TMCC1: variants seen among roughly 807,000 people sequenced by gnomAD.
TMCC1 encodes the protein transmembrane and coiled-coil domains protein 1.
TMCC1 carries 15 observed loss-of-function variants against 52.4 expected under a neutral mutation model. That is an observed-to-expected ratio of 0.29 (90% CI 0.19 to 0.44). TMCC1 has a LOEUF of 0.44. TMCC1 is among the 20% of genes least tolerant of loss of function. The pLI is 1.00. For missense variants in TMCC1, 503 were observed against 806.0 expected (o/e 0.62, Z 4.55); for synonymous variants, 279 against 301.9 (o/e 0.92, Z 0.79).
intron 4 of TMCC1, among the ~76,000 whole-genome samples, chr3:129,792,512 G>T (rs975925482): frequency 6.6e-6 from 1 of 151,848 alleles, no homozygotes; most frequent in East Asian, 1.9e-4. Context: ...CACCATGCCC[G>T]GTTTATTTTT....
intron 4 of TMCC1, among the ~76,000 whole-genome samples, chr3:129,721,377 T>C (rs1229670325): frequency 2.0e-5 from 3 of 152,142 alleles, no homozygotes; most frequent in African/African-American, 7.2e-5. Context: ...GATCTTGCTC[T>C]GTCACCCAGG....
intron 2 of TMCC1, among the ~76,000 whole-genome samples, chr3:129,837,990 A>C (rs2059241729): frequency 6.6e-6 from 1 of 152,228 alleles, no homozygotes; most frequent in African/African-American, 2.4e-5. Context: ...AGATTTTCCC[A>C]CCTGGAGAAC....
chr3:129,750,865 G>A (rs1419206332), intron 4 of TMCC1, among the ~76,000 whole-genome samples: 1 of 150,652 alleles, frequency 6.6e-6, no homozygotes, highest in Admixed American at 6.6e-5. Flanking sequence ...GTGAGCCACT[G>A]CGCCCAGCCA....
intron 4 of TMCC1, among the ~76,000 whole-genome samples, chr3:129,727,485 T>C (rs2107607826): frequency 1.3e-5 from 2 of 152,340 alleles, no homozygotes; most frequent in Middle Eastern, 3.4e-3. Context: ...TTTATAAAGA[T>C]GTAAGTCTAT....
intron 4 of TMCC1, among the ~76,000 whole-genome samples, chr3:129,760,490 GTGTGTT>G (rs1303195615): frequency 2.4e-4 from 34 of 139,964 alleles, no homozygotes; most frequent in African/African-American, 6.7e-4. Flanking sequence ...GTGTGTGTGT[GTGTGTT>G]TTTGAGACAG....
chr3:129,889,762 A>T (rs2061878683), intron 1 of TMCC1, among the ~76,000 whole-genome samples: 1 of 152,180 alleles, frequency 6.6e-6, no homozygotes, highest in Non-Finnish European at 1.5e-5. Flanking sequence ...AATGCTCATG[A>T]AACTAGTATA....
At chr3:129,830,865 G>A (rs1468275398) in intron 3 of TMCC1, among the ~76,000 whole-genome samples, 1 of 152,194 alleles carries the variant, frequency 6.6e-6, no homozygotes, top group African/African-American at 2.4e-5. Flanking sequence ...TTAAAAAATA[G>A]AGAATGTGGT....
intron 5 of TMCC1, among the ~76,000 whole-genome samples, chr3:129,658,305 AACAGTTCAC>A (rs1334288438): frequency 2.6e-5 from 4 of 152,224 alleles, no homozygotes; most frequent in Non-Finnish European, 5.9e-5. Flanking sequence ...CTACTGCAGA[AACAGTTCAC>A]AGGAGCAGGA....
At chr3:129,874,293 G>T (rs1445387882) in intron 2 of TMCC1, among the ~76,000 whole-genome samples, 1 of 152,160 alleles carries the variant, frequency 6.6e-6, no homozygotes, top group Non-Finnish European at 1.5e-5. Flanking sequence ...AAAAATTATT[G>T]TTTGCCTACC....
At chr3:129,761,009 A>G (rs1159587737) in intron 4 of TMCC1, among the ~76,000 whole-genome samples, 1 of 152,078 alleles carries the variant, frequency 6.6e-6, no homozygotes, top group African/African-American at 2.4e-5. Context: ...TGTATCAGAC[A>G]GAATACTTCC....
chr3:129,651,829 T>G lies in TMCC1; in HGVS notation c.1648-34A>C, dbSNP rs758613684. On this transcript the variant is annotated intron_variant, in intron 6 of 6. Transcript: ENST00000393238. This position sits in a 1 kb window ranked among gnomAD's most constrained non-coding sequence, Gnocchi z 5.1. The stretch of plus-strand genomic sequence containing the variant: ...CAGAACAGGGAAGAGTTAAGCCTTC[T>G]GCTCACAAGTATTCTGAGATGCTGA... The G allele has an allele frequency of 1.3e-6, 2 of 1,586,282 alleles. No individual in the cohort carries two copies. Among genetic ancestry groups the G allele is most frequent in the South Asian group, 1.1e-5 (1 of 88,066 alleles).
At chr3:129,720,201 A>AAAAAAAAAAAAAAAAAAAAAAAAAG (rs1560263938) in intron 4 of TMCC1, among the ~76,000 whole-genome samples, 5 of 151,310 alleles carry the variant, frequency 3.3e-5, no homozygotes, top group African/African-American at 1.2e-4. Context: ...AAAAAAAAAA[A>AAAAAAAAAAAAAAAAAAAAAAAAAG]AGAGATGGAA....
intron 4 of TMCC1, among the ~76,000 whole-genome samples, chr3:129,787,602 G>T (rs1199048374): frequency 6.6e-6 from 1 of 152,068 alleles, no homozygotes; most frequent in Non-Finnish European, 1.5e-5. Flanking sequence ...ATAAAAAAAA[G>T]AATATTTCAC....
chr3:129,687,586 A>G (rs2089494940), intron 4 of TMCC1, among the ~76,000 whole-genome samples: 1 of 152,248 alleles, frequency 6.6e-6, no homozygotes, highest in Non-Finnish European at 1.5e-5. Flanking sequence ...TCATATCAAT[A>G]GAATTGAGTC....
Position 129,779,334 on chromosome 3 carries a change from A to AT in TMCC1, c.576+48468dup, listed in dbSNP as rs77692039. On this transcript the variant is annotated intron_variant, in intron 4 of 6. Transcript: ENST00000393238. ...AAAGCCAAGGTAATTTCTTAAGATC[A>AT]TTTTTTCTAATAACAGCCATATAAT... Among the ~76,000 whole-genome samples the AT allele has an allele frequency of 0.023, 3,525 of 152,190 alleles. 460 individuals carry two copies. The East Asian group carries it at 0.38, about 17-fold the overall frequency.
At position 129,828,272 on chromosome 3, in the gene TMCC1, T is replaced by G. The variant is rs2058745781; in HGVS notation, c.107A>C (p.Lys36Thr). 5.6e-6 allele frequency: 9 copies of G among 1,614,162 alleles called. No individual in the cohort carries two copies. The highest frequency in any genetic ancestry group is 7.6e-6 in the Non-Finnish European group (9 of 1,180,026). ...GTTCTCCAAAGCATTGTGGGTCATT[T>G]TAGACAATTTTTGTTCTGATTCTGT... is the stretch of plus-strand genomic sequence containing the variant. ...KQTESEQKLS[K>T]MTHNALENIN... Residue 36 changes from lysine to threonine, a missense_variant, in exon 4 of 7, where the codon AAA becomes ACA. Around this residue, in one of 7 missense-constraint regions of TMCC1, gnomAD observed 217 missense variants for 297.9 expected, o/e 0.73. Transcript: ENST00000393238. This position sits in a 1 kb window ranked among gnomAD's most constrained non-coding sequence, Gnocchi z 4.1.
intron 2 of TMCC1, among the ~76,000 whole-genome samples, chr3:129,879,502 T>C (rs2061368226): frequency 6.6e-6 from 1 of 152,170 alleles, no homozygotes. Flanking sequence ...GATATACCTA[T>C]AACTGTCTAC....
chr3:129,725,926 T>C lies in TMCC1; in HGVS notation c.577-54662A>G, dbSNP rs556541983. Among the ~76,000 whole-genome samples the C allele has an allele frequency of 1.8e-4, 28 of 152,296 alleles. No homozygotes were observed. The Middle Eastern group carries it at 0.01, about 56-fold the overall frequency. On this transcript the variant is annotated intron_variant, in intron 4 of 6. Coordinates refer to ENST00000393238, the MANE Select transcript of TMCC1 (RefSeq NM_001017395.5). ...TTAGTCTACTGCCAAAGGTAGGAGATACAACTAATGTTTTGATTTCTACAT... is the reference window on the plus strand; with the variant it reads ...TTAGTCTACTGCCAAAGGTAGGAGACACAACTAATGTTTTGATTTCTACAT...
intron 2 of TMCC1, among the ~76,000 whole-genome samples, chr3:129,848,833 C>G (rs1020240433): frequency 6.6e-6 from 1 of 152,016 alleles, no homozygotes. Flanking sequence ...TACTCCCTCC[C>G]CCACCTTCAT....
Sources: allele counts gnomAD v4.1 joint callset (sites outside exome capture counted in the v4.1 genomes callset), GRCh38; gene constraint gnomAD v4.1.1; regional missense constraint gnomAD v4.1.1; non-coding constraint Gnocchi (gnomAD v3.1); transcripts MANE v1.5; gene names NCBI Gene and HGNC (gene_info 2026-07-23, HGNC 2026-07-21).